Variants in DCX observed in about 807,000 individuals in gnomAD.
DCX encodes neuronal migration protein doublecortin.
DCX carries 4 observed loss-of-function variants against 20.9 expected under a neutral mutation model. The ratio of observed to expected loss-of-function variants is 0.19; its 90% confidence interval spans 0.09 to 0.44. The LOEUF (loss-of-function observed/expected upper bound fraction) is 0.44, where lower values mean the gene tolerates loss of function less well. Among genes scored for constraint, DCX ranks in the 20% least tolerant of loss-of-function variants. The pLI, the probability that DCX is intolerant of heterozygous loss-of-function variation, is 0.99. For missense variants in DCX, 133 were observed against 296.9 expected, an observed-to-expected ratio of 0.45 and a Z score of 4.06; for synonymous variants, 103 against 111.4, an observed-to-expected ratio of 0.92 and a Z score of 0.47.
chrX:111,312,243 T>C (rs2095059382), intron 6 of DCX, among the ~76,000 whole-genome samples: 1 of 111,794 alleles, frequency 8.9e-6, no homozygotes, highest in Non-Finnish European at 1.9e-5. Context: ...GTGCAACTTT[T>C]TGGGACTGCT....
chrX:111,410,317 T>C lies in DCX; in HGVS notation c.82A>G (p.Ser28Gly). ...CTACAGTGGGCGCTGTGAGTGGGGC[T>C]AGGCAACCCATTCATCCGGGAGCCT... is the stretch of plus-strand genomic sequence containing the variant. The part of the protein sequence containing the change: ...MRGSRMNGLP[S>G]PTHSAHCSFY... Residue 28 changes from serine to glycine, a missense_variant, in exon 2 of 7, where the codon AGC becomes GGC. By Grantham distance (56) the Ser-to-Gly change is moderately conservative. This residue lies in a region of DCX where 65 missense variants were observed against 212.6 expected (regional missense o/e 0.31). Coordinates refer to ENST00000636035, the MANE Select transcript of DCX (RefSeq NM_001195553.2). The C allele has an allele frequency of 8.3e-7, 1 of 1,211,588 alleles. No homozygotes were observed. The highest frequency in any genetic ancestry group is 1.1e-6 in the Non-Finnish European group (1 of 895,496).
At position 111,335,419 on chromosome X, in the gene DCX, G is replaced by T. The variant is rs575015951; in HGVS notation, c.706-2266C>A. Among the ~76,000 whole-genome samples the T allele has an allele frequency of 1.2e-3, 137 of 112,087 alleles. 1 individual carries two copies. In the South Asian group the frequency reaches 0.049, roughly 40 times the overall value. On this transcript the variant is annotated intron_variant, in intron 3 of 6. Coordinates refer to ENST00000636035, the MANE Select transcript of DCX (RefSeq NM_001195553.2). ...TCTGCCTCAGCTGCATGCAAAGAAG[G>T]TAAGAAACAGGAATATTCAGGGGCT... is the stretch of plus-strand genomic sequence containing the variant.
rs781270404 is a variant in DCX, at chrX:111,296,258, C to T, written c.*5429G>A. On this transcript the variant is annotated 3_prime_UTR_variant, in exon 7 of 7. Transcript: ENST00000636035. ...TAGTAATGAGAAACGCTAATGCCTT[C>T]AAGTCTTTGCCTTACTTACAAGGTG... is the stretch of plus-strand genomic sequence containing the variant. The T allele has an allele frequency of 8.9e-6, 1 of 112,033 alleles. No individual in the cohort carries two copies. Among genetic ancestry groups the T allele is most frequent in the East Asian group, 2.8e-4 (1 of 3,529 alleles). The allele number at this position is 112,033 out of a possible 1,213,427, so 9.2% of individuals were successfully genotyped here. A position where few individuals can be genotyped will look rare whatever the true frequency, so the allele number is the denominator to read the frequency against.
Position 111,342,713 on chromosome X carries a change from G to A in DCX, c.706-9560C>T, listed in dbSNP as rs140636420. Reference sequence around the variant, plus strand: ...CAAAAGAACTGAAATCCTAACAAACGGTCTCTCAGACCACAGTGCAATCAA... The same window carrying A: ...CAAAAGAACTGAAATCCTAACAAACAGTCTCTCAGACCACAGTGCAATCAA... On this transcript the variant is annotated intron_variant, in intron 3 of 6. Coordinates refer to ENST00000636035, the MANE Select transcript of DCX (RefSeq NM_001195553.2). 5.3e-3 allele frequency among the ~76,000 whole-genome samples: 576 copies of A among 109,228 alleles called. 4 individuals carry two copies. The highest frequency in any genetic ancestry group is 0.041 in the Admixed American group (416 of 10,139). The allele number at this position is 109,228 out of a possible 115,157, so 94.9% of individuals were successfully genotyped here. A position where few individuals can be genotyped will look rare whatever the true frequency, so the allele number is the denominator to read the frequency against.
chrX:111,341,753 G>C (rs907967351), intron 3 of DCX, among the ~76,000 whole-genome samples: 3 of 111,371 alleles, frequency 2.7e-5, no homozygotes, highest in Non-Finnish European at 5.7e-5. Flanking sequence ...TTTCCACTGA[G>C]AATTTCACAT....
At chrX:111,325,399 T>A (rs553371260) in intron 5 of DCX, among the ~76,000 whole-genome samples, 2 of 111,324 alleles carry the variant, frequency 1.8e-5, no homozygotes, top group Middle Eastern at 4.7e-3. Context: ...TCTTGGGTGC[T>A]AAGTAATGTG....
chrX:111,302,723 T>C (rs1179679903), intron 6 of DCX, among the ~76,000 whole-genome samples: 1 of 112,757 alleles, frequency 8.9e-6, no homozygotes, highest in South Asian at 3.7e-4. Flanking sequence ...GTTTAACATC[T>C]TTTCATGTGC....
In DCX at chrX:111,333,169, A is replaced by G; in HGVS notation, c.706-16T>C. Reference sequence around the variant, plus strand: ...GACAAGTTACCTATGGAGAAAGCAGAAACACTGATTGTATATGATGGTCCT... The same window carrying G: ...GACAAGTTACCTATGGAGAAAGCAGGAACACTGATTGTATATGATGGTCCT... On this transcript the variant is annotated splice_polypyrimidine_tract_variant and intron_variant, in intron 3 of 6. Coordinates refer to ENST00000636035, the MANE Select transcript of DCX (RefSeq NM_001195553.2). 1 of 1,117,295 alleles carries G rather than the reference A, an allele frequency of 9.0e-7. No homozygotes were observed. Among genetic ancestry groups the G allele is most frequent in the Non-Finnish European group, 1.2e-6 (1 of 810,793 alleles). 92.1% of individuals were successfully genotyped at this position (1,117,295 alleles called of 1,213,427 possible).
chrX:111,309,201 TA>T lies in DCX; in HGVS notation c.1044+3437del, dbSNP rs1383455858. Among the ~76,000 whole-genome samples, 3 of 112,411 alleles carry T rather than the reference TA, an allele frequency of 2.7e-5. No individual in the cohort carries two copies. The East Asian group carries it at 8.4e-4, about 31-fold the overall frequency. ...TAAAGAAGATTCTCCATGAACTGCT[TA>T]AAAGAAGAAGCCAAGAAGCTGATTA... is the stretch of plus-strand genomic sequence containing the variant. On this transcript the variant is annotated intron_variant, in intron 6 of 6. Transcript: ENST00000636035.
intron 3 of DCX, among the ~76,000 whole-genome samples, chrX:111,395,974 C>T (rs1407985733): frequency 8.9e-6 from 1 of 112,489 alleles, no homozygotes; most frequent in Admixed American, 9.4e-5. Context: ...AGGAAAAACA[C>T]ACCTACCTTG....
At chrX:111,354,772 C>T in intron 3 of DCX, among the ~76,000 whole-genome samples, 1 of 112,749 alleles carries the variant, frequency 8.9e-6, no homozygotes, top group East Asian at 2.8e-4. Flanking sequence ...TTATATTCAC[C>T]TCTTGCATAG....
At chrX:111,305,830 A>C (rs997811735) in intron 6 of DCX, among the ~76,000 whole-genome samples, 1 of 111,011 alleles carries the variant, frequency 9.0e-6, no homozygotes, top group Non-Finnish European at 1.9e-5. Context: ...TGCTATGGCA[A>C]AATTTTTATA....
intron 5 of DCX, among the ~76,000 whole-genome samples, chrX:111,316,515 C>A (rs2095072650): frequency 9.0e-6 from 1 of 111,356 alleles, no homozygotes; most frequent in Non-Finnish European, 1.9e-5. Context: ...CAGGCATGAG[C>A]CACTTCGCCT....
chrX:111,362,585 C>T (rs1924292958), intron 3 of DCX, among the ~76,000 whole-genome samples: 1 of 111,406 alleles, frequency 9.0e-6, no homozygotes, highest in Non-Finnish European at 1.9e-5. Flanking sequence ...AAACAGTAAA[C>T]TATCAAAGGC....
At chrX:111,333,858 T>C (rs73545279) in intron 3 of DCX, among the ~76,000 whole-genome samples, 192 of 111,454 alleles carry the variant, frequency 1.7e-3, no homozygotes, top group African/African-American at 5.9e-3. Context: ...AGACAGACAG[T>C]CTCCCCAACC....
intron 3 of DCX, among the ~76,000 whole-genome samples, chrX:111,382,503 C>CACAGA (rs1926052026): frequency 8.9e-6 from 1 of 112,043 alleles, no homozygotes; most frequent in Non-Finnish European, 1.9e-5. Context: ...TATCCTTTAG[C>CACAGA]AATTTCTGTG....
At chrX:111,406,277 A>C (rs1444876020) in intron 2 of DCX, among the ~76,000 whole-genome samples, 1 of 112,150 alleles carries the variant, frequency 8.9e-6, no homozygotes, top group Non-Finnish European at 1.9e-5. Context: ...CCAGGAATGT[A>C]ATATTTTTCT....
intron 3 of DCX, among the ~76,000 whole-genome samples, chrX:111,355,061 T>C (rs1309458670): frequency 8.9e-6 from 1 of 112,563 alleles, no homozygotes; most frequent in African/African-American, 3.2e-5. Context: ...TTATAGTAGA[T>C]CAACAGTTGT....
chrX:111,336,107 T>C (rs1044958325), intron 3 of DCX, among the ~76,000 whole-genome samples: 6 of 111,946 alleles, frequency 5.4e-5, no homozygotes, highest in Non-Finnish European at 1.1e-4. Flanking sequence ...ATTTTGGAGG[T>C]ATTTGTGGAA....
Sources: gnomAD v4.1 joint callset for allele counts (sites outside exome capture counted in the v4.1 genomes callset) on GRCh38, gnomAD v4.1.1 for gene constraint, gnomAD v4.1.1 regional missense constraint, MANE v1.5 for transcripts, NCBI Gene and HGNC (gene_info 2026-07-23, HGNC 2026-07-21) for gene names.